Variants in CFAP54 observed in about 807,000 individuals in gnomAD.
The protein encoded by CFAP54 is cilia and flagella associated protein 54.
Under a neutral mutation model 370.4 loss-of-function variants are expected in CFAP54, and 290 were observed. That is an observed-to-expected ratio of 0.78 (90% CI 0.71 to 0.86). The LOEUF (loss-of-function observed/expected upper bound fraction) is 0.86. Ranked by LOEUF, CFAP54 falls within the 40% of genes least tolerant of loss-of-function variation. The pLI is 0.00. For synonymous variants in CFAP54, 1,206 were observed against 1,236.5 expected, an observed-to-expected ratio of 0.98 and a Z score of 0.52; for missense variants, 3,399 against 3,528.7, an observed-to-expected ratio of 0.96 and a Z score of 0.93.
rs949097335 is a variant in CFAP54, at chr12:96,867,168, A to G, written c.*14+6216A>G. On this transcript the variant is annotated intron_variant, in intron 67 of 67. Transcript: ENST00000524981. ...CATTTAATCTCTTTTTCATAGACACATTAGTATTTCTCTGACAAACTGAGC... is the reference window on the plus strand; with the variant it reads ...CATTTAATCTCTTTTTCATAGACACGTTAGTATTTCTCTGACAAACTGAGC... 1.2e-4 allele frequency among the ~76,000 whole-genome samples: 18 copies of G among 152,190 alleles called. 1 individual carries two copies. The highest frequency in any genetic ancestry group is 5.9e-5 in the Non-Finnish European group (4 of 68,016).
intron 13 of CFAP54, among the ~76,000 whole-genome samples, chr12:96,539,221 C>T (rs914518474): frequency 9.9e-5 from 15 of 151,104 alleles, no homozygotes; most frequent in East Asian, 2.0e-4. Flanking sequence ...CCACCACGGC[C>T]GGCTAATTTT....
At chr12:96,552,765 A>G (rs1056863755) in intron 15 of CFAP54, among the ~76,000 whole-genome samples, 1 of 152,318 alleles carries the variant, frequency 6.6e-6, no homozygotes, top group South Asian at 2.1e-4. Flanking sequence ...CTTATACTAG[A>G]GTAAACTTGG....
intron 15 of CFAP54, among the ~76,000 whole-genome samples, chr12:96,553,830 G>A (rs1261869416): frequency 1.3e-5 from 2 of 151,834 alleles, no homozygotes; most frequent in Non-Finnish European, 1.5e-5. Flanking sequence ...TTCAAATTAG[G>A]TATATGAAAG....
rs1246946773 is a variant in CFAP54 at position 96,489,904 on chromosome 12, A to G, written c.295A>G (p.Lys99Glu). The change falls in exon 1 of 68, where the codon AAG becomes GAG. Residue 99 changes from lysine (K) to glutamate (E), a missense_variant. Physicochemically the swap from Lys to Glu is moderately conservative, Grantham distance 56. Coordinates refer to ENST00000524981, the MANE Select transcript of CFAP54 (RefSeq NM_001306084.2). ...KKALATTEEE[K>E]HEFRRRCATS... The stretch of plus-strand genomic sequence containing the variant: ...GGCTTTAGCCACCACGGAGGAAGAG[A>G]AGCACGAATTCCGCCGGCGTTGGTA... 6.5e-7 allele frequency: 1 copy of G among 1,532,436 alleles called. No homozygotes were observed. Among genetic ancestry groups the G allele is most frequent in the East Asian group, 2.4e-5 (1 of 40,842 alleles). The allele number at this position is 1,532,436 out of a possible 1,614,324, so 94.9% of individuals were successfully genotyped here. A position where few individuals can be genotyped will look rare whatever the true frequency, so the allele number is the denominator to read the frequency against.
At chr12:96,817,381 G>A (rs1958986557) in intron 64 of CFAP54, among the ~76,000 whole-genome samples, 2 of 151,832 alleles carry the variant, frequency 1.3e-5, no homozygotes, top group African/African-American at 4.8e-5. Context: ...AAATAACTGA[G>A]GGCTTACTTT....
intron 48 of CFAP54, among the ~76,000 whole-genome samples, chr12:96,712,884 A>G (rs991745323): frequency 6.6e-6 from 1 of 152,230 alleles, no homozygotes; most frequent in Admixed American, 6.5e-5. Context: ...AAAGACCTGG[A>G]TAGATATTTA....
chr12:96,519,694 C>A (rs1192420067), intron 6 of CFAP54, among the ~76,000 whole-genome samples: 1 of 152,064 alleles, frequency 6.6e-6, no homozygotes, highest in Non-Finnish European at 1.5e-5. Flanking sequence ...TTATGAGGTA[C>A]AATGTGATGT....
At chr12:96,659,691 A>G (rs1233867917) in intron 38 of CFAP54, among the ~76,000 whole-genome samples, 2 of 152,190 alleles carry the variant, frequency 1.3e-5, no homozygotes, top group East Asian at 1.9e-4. Flanking sequence ...ACATTTTTCC[A>G]TTGACTAATT....
Position 96,651,812 on chromosome 12 carries a change from T to A in CFAP54, c.5097T>A (p.Ile1699=). ...TACAACTACAAAATACCAGTTCTAT[T>A]AAGGTAAAGACACTTTGGTAATTAT... ...MLIQLQNTSS[I]KPIEDKGEFS... Residue 1699 remains isoleucine, a synonymous_variant, in exon 36 of 68, where the codon ATT becomes ATA. Coordinates refer to ENST00000524981, the MANE Select transcript of CFAP54 (RefSeq NM_001306084.2). 6.4e-7 allele frequency: 1 copy of A among 1,555,274 alleles called. No individual in the cohort carries two copies. The highest frequency in any genetic ancestry group is 8.9e-7 in the Non-Finnish European group (1 of 1,127,560).
In CFAP54 at chr12:96,612,695, A is replaced by T. The variant is rs555972251; in HGVS notation, c.3640-8895A>T. On this transcript the variant is annotated intron_variant, in intron 26 of 67. Coordinates refer to ENST00000524981, the MANE Select transcript of CFAP54 (RefSeq NM_001306084.2). ...GCTCAAAATGAAGGGATGGAGGAAG[A>T]TCTACTAAGCACATGGAAAACATAA... Among the ~76,000 whole-genome samples, 123 of 152,334 alleles carry T rather than the reference A, an allele frequency of 8.1e-4. 1 individual carries two copies. Among genetic ancestry groups the T allele is most frequent in the African/African-American group, 2.6e-3 (108 of 41,566 alleles).
At chr12:96,568,721 C>T (rs774312890) in intron 19 of CFAP54, among the ~76,000 whole-genome samples, 1 of 152,126 alleles carries the variant, frequency 6.6e-6, no homozygotes, top group African/African-American at 2.4e-5. Flanking sequence ...GCCTGAGTCT[C>T]TTTAGAACTC....
chr12:96,788,842 T>C (rs920541322), intron 62 of CFAP54, among the ~76,000 whole-genome samples: 1 of 152,190 alleles, frequency 6.6e-6, no homozygotes, highest in Admixed American at 6.5e-5. Flanking sequence ...GTGCAATGTA[T>C]TGAAAGCACA....
In CFAP54 at chr12:96,548,740, A is replaced by G. The variant is rs367901482; in HGVS notation, c.2154+762A>G. ...GAGGTGGCATAATAGCTGTCTGCCA[A>G]TGTTTTTCCCAGGGATCACTTACAG... On this transcript the variant is annotated intron_variant, in intron 15 of 67. Coordinates refer to ENST00000524981, the MANE Select transcript of CFAP54 (RefSeq NM_001306084.2). Among the ~76,000 whole-genome samples, 35 of 152,252 alleles carry G rather than the reference A, an allele frequency of 2.3e-4. No homozygotes were observed. The East Asian group carries it at 5.8e-3, about 25-fold the overall frequency.
Position 96,647,882 on chromosome 12 carries a change from T to C in CFAP54, c.4555T>C (p.Ser1519Pro). 4 of 1,502,404 alleles carry C rather than the reference T, an allele frequency of 2.7e-6. No individual in the cohort carries two copies. Among genetic ancestry groups the C allele is most frequent in the Non-Finnish European group, 3.5e-6 (4 of 1,135,784 alleles). 93.1% of individuals were successfully genotyped at this position (1,502,404 alleles called of 1,614,324 possible). A position where few individuals can be genotyped will look rare whatever the true frequency, so the allele number is the denominator to read the frequency against. Residue 1519 changes from serine to proline, a missense_variant, in exon 34 of 68, where the codon TCA becomes CCA. Coordinates refer to ENST00000524981, the MANE Select transcript of CFAP54 (RefSeq NM_001306084.2). ...GTSHMMVSFR[S>P]CDPNMFSLYN... ...ATTTTTCCCCCCTTGCAGTTTCCGA[T>C]CATGTGATCCTAACATGTTTTCACT...
At chr12:96,736,934 C>T (rs1957986690) in intron 50 of CFAP54, among the ~76,000 whole-genome samples, 2 of 152,154 alleles carry the variant, frequency 1.3e-5, no homozygotes, top group South Asian at 4.2e-4. Context: ...GGGCTGATTG[C>T]CTGAGTTTTG....
chr12:96,821,928 T>A (rs2136742300), intron 65 of CFAP54, among the ~76,000 whole-genome samples: 1 of 152,264 alleles, frequency 6.6e-6, no homozygotes, highest in South Asian at 2.1e-4. Context: ...TTATTGAATA[T>A]AAGGGTGCAG....
At chr12:96,595,481 T>G (rs1200354050) in intron 25 of CFAP54, among the ~76,000 whole-genome samples, 1 of 152,204 alleles carries the variant, frequency 6.6e-6, no homozygotes, top group Non-Finnish European at 1.5e-5. Flanking sequence ...ATTGTCAGCA[T>G]CATGATCATC....
intron 28 of CFAP54, 106 bp downstream of exon 28, chr12:96,623,987 T>C: frequency 1.4e-6 from 1 of 736,564 alleles, no homozygotes; most frequent in East Asian, 2.7e-5. Context: ...GTAAACCCTT[T>C]AAGGTTTACA....
intron 55 of CFAP54, 148 bp downstream of exon 55, chr12:96,744,294 C>A: frequency 1.4e-6 from 1 of 710,530 alleles, no homozygotes; most frequent in Non-Finnish European, 2.3e-6. Context: ...TTTTTGATCA[C>A]TTATCATATG....
Sources: gnomAD v4.1 joint callset for allele counts (sites outside exome capture counted in the v4.1 genomes callset) on GRCh38, gnomAD v4.1.1 for gene constraint, MANE v1.5 for transcripts, NCBI Gene and HGNC (gene_info 2026-07-23, HGNC 2026-07-21) for gene names.